ZRANB3: variants seen among roughly 807,000 people sequenced by gnomAD.
The protein encoded by ZRANB3 is DNA annealing helicase and endonuclease ZRANB3.
ZRANB3 carries 125 observed loss-of-function variants against 133.8 expected under a neutral mutation model. The observed-to-expected ratio is 0.93, with a 90% CI of 0.81 to 1.08. The LOEUF is 1.08. Ranked by LOEUF, ZRANB3 falls within the 50% of genes least tolerant of loss-of-function variation. ZRANB3 has a pLI of 0.00. For missense variants in ZRANB3, 1,229 were observed against 1,275.5 expected (o/e 0.96, Z 0.56); for synonymous variants, 387 against 432.7 (o/e 0.89, Z 1.31).
intron 8 of ZRANB3, among the ~76,000 whole-genome samples, chr2:135,295,616 C>A (rs1163121342): frequency 1.3e-5 from 2 of 152,146 alleles, no homozygotes; most frequent in African/African-American, 2.4e-5. Flanking sequence ...TTGATCCTGT[C>A]ATTATGATGT....
chr2:135,242,519 G>A (rs1695598530), intron 12 of ZRANB3, among the ~76,000 whole-genome samples: 1 of 151,722 alleles, frequency 6.6e-6, no homozygotes, highest in Non-Finnish European at 1.5e-5. Flanking sequence ...AAACTCCTAG[G>A]GCACAAGCAA....
chr2:135,512,047 G>A (rs1176258054), intron 1 of ZRANB3: 6 of 515,468 alleles, frequency 1.2e-5, no homozygotes, highest in Non-Finnish European at 2.1e-5. Flanking sequence ...GATGATGGCA[G>A]AAACCCCTCA....
At chr2:135,403,676 G>GA (rs1204257119) in intron 2 of ZRANB3, among the ~76,000 whole-genome samples, 3 of 152,182 alleles carry the variant, frequency 2.0e-5, no homozygotes, top group Non-Finnish European at 4.4e-5. Flanking sequence ...CCTGACCACC[G>GA]AGTAGCCTAA....
At chr2:135,390,140 A>G (rs1687160268) in intron 3 of ZRANB3, among the ~76,000 whole-genome samples, 1 of 151,908 alleles carries the variant, frequency 6.6e-6, no homozygotes, top group Admixed American at 6.6e-5. Context: ...CGGCCTCCCA[A>G]AGTGTTGGGA....
At chr2:135,370,958 C>G (rs1686151700) in intron 3 of ZRANB3, among the ~76,000 whole-genome samples, 1 of 152,206 alleles carries the variant, frequency 6.6e-6, no homozygotes, top group African/African-American at 2.4e-5. Context: ...TTCTCTCTCT[C>G]CTGCCACCCT....
intron 2 of ZRANB3, among the ~76,000 whole-genome samples, chr2:135,440,699 A>T (rs1689743345): frequency 6.6e-6 from 1 of 152,202 alleles, no homozygotes; most frequent in South Asian, 2.1e-4. Flanking sequence ...ATGAGAACTC[A>T]GTCCAGCTAA....
chr2:135,292,788 G>A lies in ZRANB3; in HGVS notation c.967-17033C>T, dbSNP rs139874763. Among the ~76,000 whole-genome samples the A allele has an allele frequency of 3.0e-3, 454 of 152,272 alleles. 2 individuals are homozygous for A. The highest frequency in any genetic ancestry group is 0.01 in the African/African-American group (430 of 41,538). On this transcript the variant is annotated intron_variant, in intron 8 of 20. Coordinates refer to ENST00000264159, the MANE Select transcript of ZRANB3 (RefSeq NM_032143.4). Reference sequence around the variant, plus strand: ...ATTTTTGTATAAGGTGTAAGGAAGGGACCCACTTCCAGCTTTCTACATATG... The same window carrying A: ...ATTTTTGTATAAGGTGTAAGGAAGGAACCCACTTCCAGCTTTCTACATATG...
At chr2:135,402,852 C>A (rs754016079) in intron 2 of ZRANB3, among the ~76,000 whole-genome samples, 10 of 152,132 alleles carry the variant, frequency 6.6e-5, no homozygotes, top group African/African-American at 2.4e-4. Context: ...TACCAAAGTG[C>A]GAGGATTACA....
At chr2:135,360,574 G>A (rs1396431958) in intron 3 of ZRANB3, among the ~76,000 whole-genome samples, 1 of 148,524 alleles carries the variant, frequency 6.7e-6, no homozygotes, top group Non-Finnish European at 1.5e-5. Context: ...GCGTGGTGGT[G>A]AGCACCTGTA....
chr2:135,438,979 T>C (rs1336221331), intron 2 of ZRANB3, among the ~76,000 whole-genome samples: 1 of 152,188 alleles, frequency 6.6e-6, no homozygotes, highest in Non-Finnish European at 1.5e-5. Flanking sequence ...CTGAAATATA[T>C]TTACCTTACC....
chr2:135,273,596 C>T (rs975649894), intron 9 of ZRANB3, among the ~76,000 whole-genome samples: 31 of 151,796 alleles, frequency 2.0e-4, no homozygotes, highest in East Asian at 7.8e-4. Context: ...AGTGCAATGG[C>T]GGGATCTCAG....
intron 17 of ZRANB3, among the ~76,000 whole-genome samples, chr2:135,215,828 G>A (rs1207940584): frequency 6.6e-6 from 1 of 152,020 alleles, no homozygotes; most frequent in East Asian, 1.9e-4. Context: ...ATTCTGTTTT[G>A]GGGGGTGCAA....
chr2:135,339,166 CT>C (rs1414001755), intron 6 of ZRANB3, among the ~76,000 whole-genome samples: 1 of 151,984 alleles, frequency 6.6e-6, no homozygotes, highest in Non-Finnish European at 1.5e-5. Flanking sequence ...AATCCCAGCA[CT>C]TTGGGAGGCC....
chr2:135,343,161 G>A (rs1214473881), intron 6 of ZRANB3, among the ~76,000 whole-genome samples: 2 of 144,240 alleles, frequency 1.4e-5, no homozygotes, highest in Non-Finnish European at 3.0e-5. Context: ...ACTCCAGACT[G>A]GGCAACAGAG....
At chr2:135,420,650 C>T (rs946228131) in intron 2 of ZRANB3, among the ~76,000 whole-genome samples, 1 of 152,078 alleles carries the variant, frequency 6.6e-6, no homozygotes, top group Non-Finnish European at 1.5e-5. Flanking sequence ...GTTTTCATGT[C>T]CTGAATCCTG....
intron 6 of ZRANB3, among the ~76,000 whole-genome samples, chr2:135,336,887 A>G (rs746577812): frequency 6.6e-6 from 1 of 152,152 alleles, no homozygotes; most frequent in Non-Finnish European, 1.5e-5. Context: ...GTCTGCAACA[A>G]TTACAATTAA....
chr2:135,254,537 T>G (rs1679556145), intron 12 of ZRANB3, among the ~76,000 whole-genome samples: 1 of 151,936 alleles, frequency 6.6e-6, no homozygotes. Flanking sequence ...CACTTGAACC[T>G]GGGAGGCGGA....
chr2:135,502,837 G>C (rs568210498), intron 2 of ZRANB3, among the ~76,000 whole-genome samples: 1 of 152,286 alleles, frequency 6.6e-6, no homozygotes, highest in East Asian at 1.9e-4. Context: ...AAACTGAGAA[G>C]ATGCAGGTGT....
In ZRANB3 at chr2:135,431,433, T is replaced by C. The variant is rs139662857; in HGVS notation, c.162-40613A>G. Reference sequence around the variant, plus strand: ...ATATATGTATCTTTGTGATCTTGAGTTAGGCTTTTTCTTAGAGAAGACACA... The same window carrying C: ...ATATATGTATCTTTGTGATCTTGAGCTAGGCTTTTTCTTAGAGAAGACACA... On this transcript the variant is annotated intron_variant, in intron 2 of 20. Coordinates refer to ENST00000264159, the MANE Select transcript of ZRANB3 (RefSeq NM_032143.4). Among the ~76,000 whole-genome samples, 451 of 152,002 alleles carry C rather than the reference T, an allele frequency of 3.0e-3. 3 individuals carry two copies. The highest frequency in any genetic ancestry group is 0.01 in the African/African-American group (421 of 41,504).
Sources: gnomAD v4.1 joint callset for allele counts (sites outside exome capture counted in the v4.1 genomes callset) on GRCh38, gnomAD v4.1.1 for gene constraint, MANE v1.5 for transcripts, NCBI Gene and HGNC (gene_info 2026-07-23, HGNC 2026-07-21) for gene names.